SLC8A1: variants seen among roughly 807,000 people sequenced by gnomAD.
SLC8A1 encodes the protein solute carrier family 8 member A1.
SLC8A1 carries 18 observed loss-of-function variants against 68.3 expected under a neutral mutation model. The ratio of observed to expected loss-of-function variants is 0.26; its 90% confidence interval spans 0.18 to 0.39. The LOEUF (loss-of-function observed/expected upper bound fraction) is 0.39, where lower values mean the gene tolerates loss of function less well. SLC8A1 is among the 10% of genes least tolerant of loss of function. The probability of loss-of-function intolerance (pLI) is 1.00; values close to 1 mark genes in which losing one functional copy is unlikely to be tolerated. For synonymous variants in SLC8A1, 475 were observed against 415.5 expected, an observed-to-expected ratio of 1.14 and a Z score of -1.74; for missense variants, 985 against 1,156.7, an observed-to-expected ratio of 0.85 and a Z score of 2.15.
At chr2:40,475,022 G>C (rs1406996431) in intron 1 of SLC8A1, among the ~76,000 whole-genome samples, 1 of 152,064 alleles carries the variant, frequency 6.6e-6, no homozygotes, top group Non-Finnish European at 1.5e-5. Context: ...ATTGTTTTAA[G>C]TTTAACTTAT....
intron 2 of SLC8A1, among the ~76,000 whole-genome samples, chr2:40,337,028 C>G (rs1320216318): frequency 6.6e-6 from 1 of 152,134 alleles, no homozygotes; most frequent in Non-Finnish European, 1.5e-5. Context: ...ATATGAACCT[C>G]TTTGTAATGC....
chr2:40,284,418 GATCTATAT>G (rs926994780), intron 2 of SLC8A1, among the ~76,000 whole-genome samples: 18 of 144,062 alleles, frequency 1.2e-4, no homozygotes, highest in Admixed American at 5.6e-4. Flanking sequence ...TATATAGAGA[GATCTATAT>G]ATCTATATAT....
chr2:40,280,202 G>A (rs2067306919), intron 2 of SLC8A1, among the ~76,000 whole-genome samples: 1 of 133,242 alleles, frequency 7.5e-6, no homozygotes, highest in African/African-American at 2.8e-5. Flanking sequence ...AAATATGAAT[G>A]TCTGCCATTA....
chr2:40,478,235 C>T lies in SLC8A1; in HGVS notation c.-25+34114G>A, dbSNP rs558976885. On this transcript the variant is annotated intron_variant, in intron 1 of 7. Coordinates refer to the SLC8A1 transcript ENST00000402441. ...GCTGATACACCCACCCGCCCTCACA[C>T]ACAATCAGAGTCCATTACCATTTTT... Among the ~76,000 whole-genome samples the T allele has an allele frequency of 3.9e-4, 36 of 93,116 alleles. No individual in the cohort carries two copies. The East Asian group carries it at 6.9e-3, about 18-fold the overall frequency. 61.1% of individuals were successfully genotyped at this position (93,116 alleles called of 152,430 possible).
rs377292901 is a variant in SLC8A1 at position 40,495,491 on chromosome 2, G to C, written c.-25+16858C>G. Among the ~76,000 whole-genome samples, 4 of 151,872 alleles carry C rather than the reference G, an allele frequency of 2.6e-5. No homozygotes were observed. The East Asian group carries it at 7.7e-4, about 29-fold the overall frequency. ...TGTTTTCATCAGATGAGAATGACTA[G>C]GACAATTTAAGTAAAATTGATAAGG... On this transcript the variant is annotated intron_variant, in intron 1 of 7. Coordinates refer to the SLC8A1 transcript ENST00000402441.
chr2:40,297,877 C>T (rs779955325), intron 2 of SLC8A1, among the ~76,000 whole-genome samples: 2 of 152,036 alleles, frequency 1.3e-5, no homozygotes, highest in South Asian at 2.1e-4. Flanking sequence ...CATGATTTAA[C>T]AATCTGTTTT....
At chr2:40,097,760 G>A (rs1344878088) in exon 8 of SLC8A1, 1 of 151,936 alleles carries the variant, frequency 6.6e-6, no homozygotes, top group African/African-American at 2.4e-5. Flanking sequence ...AATGCACAGT[G>A]ATCATAAACT....
intron 2 of SLC8A1, among the ~76,000 whole-genome samples, chr2:40,263,545 G>A (rs1463184958): frequency 1.3e-5 from 2 of 151,894 alleles, no homozygotes; most frequent in Non-Finnish European, 2.9e-5. Context: ...CAGAAATAAT[G>A]CCACAGATCT....
At chr2:40,105,257 C>T (rs1354533849) in exon 8 of SLC8A1, 3 of 152,226 alleles carry the variant, frequency 2.0e-5, no homozygotes, top group Non-Finnish European at 4.4e-5. Context: ...CTCTGCCCTC[C>T]TCTGTAACCC....
intron 2 of SLC8A1, among the ~76,000 whole-genome samples, chr2:40,189,091 T>A (rs2148636049): frequency 6.6e-6 from 1 of 152,260 alleles, no homozygotes; most frequent in East Asian, 1.9e-4. Flanking sequence ...TTTCTTTTTT[T>A]AAATAAAATT....
intron 2 of SLC8A1, among the ~76,000 whole-genome samples, chr2:40,353,456 C>A (rs1671730089): frequency 1.3e-5 from 2 of 152,078 alleles, no homozygotes; most frequent in Admixed American, 6.6e-5. Context: ...GAAAATGGCT[C>A]TGACCCATTA....
At chr2:40,178,318 G>C in intron 2 of SLC8A1, 69 bp downstream of exon 3, 3 of 1,117,992 alleles carry the variant, frequency 2.7e-6, no homozygotes, top group Admixed American at 1.7e-5. Flanking sequence ...GTTCTGAAGA[G>C]TGCAGGCATC....
At chr2:40,498,065 AAAGGGGATCT>A (rs1386295612) in intron 1 of SLC8A1, among the ~76,000 whole-genome samples, 2 of 152,012 alleles carry the variant, frequency 1.3e-5, no homozygotes, top group African/African-American at 4.8e-5. Context: ...CTTAAGTAAA[AAAGGGGATCT>A]AAGCTGATTT....
intron 2 of SLC8A1, among the ~76,000 whole-genome samples, chr2:40,377,815 C>A (rs1329927528): frequency 6.6e-6 from 1 of 152,076 alleles, no homozygotes; most frequent in Non-Finnish European, 1.5e-5. Flanking sequence ...AAAGTAGAGC[C>A]CTACAAAGTT....
At chr2:40,293,379 G>T (rs2069700633) in intron 2 of SLC8A1, among the ~76,000 whole-genome samples, 1 of 152,126 alleles carries the variant, frequency 6.6e-6, no homozygotes. Flanking sequence ...AAAATTGACA[G>T]CCATAACTCT....
chr2:40,248,959 T>C (rs1380077562), intron 2 of SLC8A1, among the ~76,000 whole-genome samples: 1 of 152,152 alleles, frequency 6.6e-6, no homozygotes, highest in African/African-American at 2.4e-5. Flanking sequence ...TGATTCCACA[T>C]CACCAGGGGC....
At chr2:40,237,904 A>C (rs1287970117) in intron 2 of SLC8A1, among the ~76,000 whole-genome samples, 2 of 150,964 alleles carry the variant, frequency 1.3e-5, no homozygotes, top group African/African-American at 4.9e-5. Context: ...GGTGCCTCCC[A>C]GTTAGGCTGC....
intron 2 of SLC8A1, among the ~76,000 whole-genome samples, chr2:40,367,551 C>T (rs1346866259): frequency 6.6e-6 from 1 of 151,872 alleles, no homozygotes; most frequent in Non-Finnish European, 1.5e-5. Flanking sequence ...AAGTATTTTC[C>T]TTGCCCTATT....
chr2:40,299,971 G>A (rs1048352268), intron 2 of SLC8A1, among the ~76,000 whole-genome samples: 1 of 152,070 alleles, frequency 6.6e-6, no homozygotes, highest in Non-Finnish European at 1.5e-5. Flanking sequence ...TCACATTCCT[G>A]GCTTTTGGGA....
Sources: allele counts gnomAD v4.1 joint callset (sites outside exome capture counted in the v4.1 genomes callset), GRCh38; gene constraint gnomAD v4.1.1; transcripts MANE v1.5; gene names NCBI Gene and HGNC (gene_info 2026-07-23, HGNC 2026-07-21).